The following RGS6 variants were observed in gnomAD, a reference collection of about 807,000 sequenced individuals.
The protein encoded by RGS6 is regulator of G-protein signaling 6.
In RGS6, 30 loss-of-function variants were observed where a neutral mutation model predicts 78.5. That is an observed-to-expected ratio of 0.38 (90% CI 0.29 to 0.52). The LOEUF (loss-of-function observed/expected upper bound fraction) is 0.52. Ranked by LOEUF, RGS6 falls within the 20% of genes least tolerant of loss-of-function variation. The probability of loss-of-function intolerance (pLI) is 0.85; values close to 1 mark genes in which losing one functional copy is unlikely to be tolerated. For synonymous variants in RGS6, 206 were observed against 206.0 expected (o/e 1.00, Z 0.00); for missense variants, 495 against 609.7 (o/e 0.81, Z 1.98).
At chr14:72,382,157 A>G (rs1450899506) in intron 3 of RGS6, among the ~76,000 whole-genome samples, 1 of 152,160 alleles carries the variant, frequency 6.6e-6, no homozygotes, top group Non-Finnish European at 1.5e-5. Flanking sequence ...CTATTAAAGT[A>G]AAAAGAAGCC....
intron 2 of RGS6, among the ~76,000 whole-genome samples, chr14:72,303,926 T>G (rs2066663040): frequency 6.6e-6 from 1 of 152,218 alleles, no homozygotes; most frequent in South Asian, 2.1e-4. Flanking sequence ...TGAGTTTCCC[T>G]ACTTCTACCA....
the RGS6 span, among the ~76,000 whole-genome samples, chr14:71,894,470 G>A: frequency 3.3e-5 from 5 of 152,146 alleles, no homozygotes; most frequent in African/African-American, 9.7e-5. Flanking sequence ...GGGTGGATGC[G>A]TGCCTCCTCT....
At position 72,208,809 on chromosome 14, in the gene RGS6, A is replaced by G. The variant is rs567517913; in HGVS notation, c.85-143286A>G. Among the ~76,000 whole-genome samples the G allele has an allele frequency of 2.6e-5, 4 of 152,360 alleles. No individual in the cohort carries two copies. In the South Asian group the frequency reaches 6.2e-4, roughly 24 times the overall value. ...ATGCCTGTCAGTAACTAGGTAATGT[A>G]TATGATACTTTACATCATGTCTTTT... On this transcript the variant is annotated intron_variant, in intron 2 of 17. Coordinates refer to ENST00000553525, the MANE Select transcript of RGS6 (RefSeq NM_001204424.2).
intron 15 of RGS6, among the ~76,000 whole-genome samples, chr14:72,521,198 C>T (rs2097033049): frequency 6.6e-6 from 1 of 152,214 alleles, no homozygotes; most frequent in South Asian, 2.1e-4. Flanking sequence ...TTTCTCTATG[C>T]TGACAATCCT....
At chr14:72,510,761 T>C (rs1482420746) in intron 14 of RGS6, among the ~76,000 whole-genome samples, 1 of 152,230 alleles carries the variant, frequency 6.6e-6, no homozygotes, top group African/African-American at 2.4e-5. Flanking sequence ...GTGATGTAAC[T>C]GTAGCAGCTA....
the RGS6 span, among the ~76,000 whole-genome samples, chr14:72,596,808 A>G: frequency 3.3e-5 from 5 of 152,220 alleles, no homozygotes; most frequent in Non-Finnish European, 7.4e-5. Context: ...TACAGAGGAT[A>G]AACAGGATGC....
In RGS6 at chr14:72,458,300, G is replaced by A. The variant is rs367643813; in HGVS notation, c.265G>A (p.Ala89Thr). ...AGCAATACACTTGGGGAGCCTTATC[G>A]CTGCCCAGGGCTACATCTTTCCAAT... Reference protein sequence around the residue: ...VEAIHLGSLIAAQGYIFPISD... With the variant: ...VEAIHLGSLITAQGYIFPISD... The change falls in exon 5 of 18, where the codon GCT becomes ACT. Residue 89 changes from alanine (A) to threonine (T), a missense_variant. Coordinates refer to ENST00000553525, the MANE Select transcript of RGS6 (RefSeq NM_001204424.2). 23 of 1,613,748 alleles carry A rather than the reference G, an allele frequency of 1.4e-5. No individual in the cohort carries two copies. Among genetic ancestry groups the A allele is most frequent in the Admixed American group, 5.0e-5 (3 of 59,984 alleles).
intron 17 of RGS6, among the ~76,000 whole-genome samples, chr14:72,561,636 G>C (rs1265871579): frequency 1.3e-5 from 2 of 152,178 alleles, no homozygotes; most frequent in African/African-American, 4.8e-5. Flanking sequence ...GACTCTCCTG[G>C]CACCTCTATG....
intron 2 of RGS6, among the ~76,000 whole-genome samples, chr14:72,296,209 C>A (rs1256424968): frequency 2.6e-5 from 4 of 152,114 alleles, no homozygotes; most frequent in Admixed American, 2.6e-4. Flanking sequence ...CCTTTTTATG[C>A]CTGAGTAGTG....
the RGS6 span, among the ~76,000 whole-genome samples, chr14:71,890,155 G>A: frequency 2.0e-5 from 3 of 152,056 alleles, no homozygotes; most frequent in Admixed American, 6.6e-5. Flanking sequence ...TCTTTACAGC[G>A]ATGTGTGAAC....
the RGS6 span, among the ~76,000 whole-genome samples, chr14:71,883,465 A>G: frequency 6.6e-6 from 1 of 151,930 alleles, no homozygotes; most frequent in South Asian, 2.1e-4. Context: ...GCTCCAAATT[A>G]CCTGTCCTTA....
At chr14:72,125,934 C>A (rs1303901890) in intron 2 of RGS6, among the ~76,000 whole-genome samples, 1 of 152,120 alleles carries the variant, frequency 6.6e-6, no homozygotes, top group Non-Finnish European at 1.5e-5. Flanking sequence ...CCATGATGAC[C>A]TATACATTAG....
chr14:72,364,020 A>C (rs1050658414), intron 3 of RGS6, among the ~76,000 whole-genome samples: 9 of 150,604 alleles, frequency 6.0e-5, no homozygotes, highest in Admixed American at 1.3e-4. Flanking sequence ...AAAAAAAAAA[A>C]AAAAAACTCT....
At chr14:72,240,557 C>T (rs17109733) in intron 2 of RGS6, among the ~76,000 whole-genome samples, 2,384 of 152,222 alleles carry the variant, frequency 0.016, 57 homozygotes, top group African/African-American at 0.055. Context: ...TAATTCTTGG[C>T]TCTACTATTA....
At chr14:72,104,601 C>A (rs2095596268) in intron 2 of RGS6, among the ~76,000 whole-genome samples, 1 of 152,200 alleles carries the variant, frequency 6.6e-6, no homozygotes, top group Non-Finnish European at 1.5e-5. Flanking sequence ...CCACCGTGGC[C>A]TTTGATGCCT....
intron 3 of RGS6, among the ~76,000 whole-genome samples, chr14:72,422,891 G>A (rs1236628991): frequency 6.6e-6 from 1 of 152,246 alleles, no homozygotes; most frequent in East Asian, 1.9e-4. Context: ...CAGCAGCAGA[G>A]CCAGGAGAGG....
intron 3 of RGS6, among the ~76,000 whole-genome samples, chr14:72,439,706 A>G (rs974267793): frequency 6.6e-6 from 1 of 152,186 alleles, no homozygotes; most frequent in African/African-American, 2.4e-5. Context: ...CTGCCTCAGT[A>G]AGCTCCCTTG....
the RGS6 span, among the ~76,000 whole-genome samples, chr14:71,888,125 G>C: frequency 6.6e-6 from 1 of 152,080 alleles, no homozygotes; most frequent in Non-Finnish European, 1.5e-5. Flanking sequence ...AAATATTGGG[G>C]GTGGGTTCCC....
chr14:72,198,029 C>T (rs2040601890), intron 2 of RGS6, among the ~76,000 whole-genome samples: 1 of 152,066 alleles, frequency 6.6e-6, no homozygotes, highest in South Asian at 2.1e-4. Context: ...ATAATTTAGT[C>T]TCCATAAGAA....
Sources: gnomAD v4.1 joint callset for allele counts (sites outside exome capture counted in the v4.1 genomes callset) on GRCh38, gnomAD v4.1.1 for gene constraint, MANE v1.5 for transcripts, NCBI Gene and HGNC (gene_info 2026-07-23, HGNC 2026-07-21) for gene names.